The following MKLN1 variants were observed in gnomAD, a reference collection of about 807,000 sequenced individuals.
MKLN1 encodes muskelin 1.
MKLN1 carries 18 observed loss-of-function variants against 99.0 expected under a neutral mutation model. The ratio of observed to expected loss-of-function variants is 0.18; its 90% CI spans 0.13 to 0.27. MKLN1 has a LOEUF of 0.27. MKLN1 is among the 10% of genes least tolerant of loss of function. The probability of loss-of-function intolerance (pLI) is 1.00; values close to 1 mark genes in which losing one functional copy is unlikely to be tolerated. For missense variants in MKLN1, 621 were observed against 875.9 expected (o/e 0.71, Z 3.67); for synonymous variants, 288 against 293.2 (o/e 0.98, Z 0.18).
intron 17 of MKLN1, among the ~76,000 whole-genome samples, chr7:131,479,491 C>T (rs1218637102): frequency 2.0e-5 from 3 of 152,230 alleles, no homozygotes; most frequent in African/African-American, 7.2e-5. Context: ...GATCATGCCA[C>T]TGCACTCCAG....
chr7:131,374,374 A>T (rs1410249549), intron 1 of MKLN1, among the ~76,000 whole-genome samples: 2 of 152,126 alleles, frequency 1.3e-5, no homozygotes, highest in African/African-American at 4.8e-5. Flanking sequence ...TTGTGCACAC[A>T]CACCCCTATA....
In MKLN1 at chr7:131,354,199, T is replaced by C. The variant is rs113150073; in HGVS notation, c.99-21225T>C. The stretch of plus-strand genomic sequence containing the variant: ...GATTTTGATAGGAATTACATTAAAT[T>C]TGTAGGTCATTTTGGGAGAATTGCC... On this transcript the variant is annotated intron_variant, in intron 1 of 17. Transcript: ENST00000352689. 3.6e-3 allele frequency among the ~76,000 whole-genome samples: 547 copies of C among 152,230 alleles called. 2 individuals carry two copies. Among genetic ancestry groups the C allele is most frequent in the African/African-American group, 0.013 (520 of 41,544 alleles).
intron 1 of MKLN1, among the ~76,000 whole-genome samples, chr7:131,122,107 T>G (rs1314960938): frequency 6.6e-6 from 1 of 152,266 alleles, no homozygotes; most frequent in Non-Finnish European, 1.5e-5. Flanking sequence ...TTATTATTTA[T>G]TTTTGTTTCC....
At chr7:131,259,122 T>A (rs190487488) in intron 3 of MKLN1, among the ~76,000 whole-genome samples, 2,338 of 152,088 alleles carry the variant, frequency 0.015, 23 homozygotes, top group Admixed American at 0.023. Context: ...TTTAAAAAAA[T>A]ATATATATAT....
chr7:131,482,769 G>A (rs946562482), intron 17 of MKLN1, among the ~76,000 whole-genome samples: 4 of 152,318 alleles, frequency 2.6e-5, no homozygotes, highest in African/African-American at 9.6e-5. Context: ...CATACTACTA[G>A]TGATATGCTG....
chr7:131,480,495 G>A (rs1239640025), intron 17 of MKLN1, among the ~76,000 whole-genome samples: 3 of 152,160 alleles, frequency 2.0e-5, no homozygotes, highest in Non-Finnish European at 4.4e-5. Flanking sequence ...GAGGCTTCTC[G>A]ACTGATCAAG....
chr7:131,462,557 A>C (rs746298987), intron 12 of MKLN1, among the ~76,000 whole-genome samples: 1 of 152,166 alleles, frequency 6.6e-6, no homozygotes, highest in Non-Finnish European at 1.5e-5. Context: ...ATTATATTGC[A>C]TACCTCTTTC....
At chr7:131,153,252 C>T (rs1795915544) in intron 2 of MKLN1, among the ~76,000 whole-genome samples, 1 of 152,008 alleles carries the variant, frequency 6.6e-6, no homozygotes, top group Non-Finnish European at 1.5e-5. Context: ...TTTGTTTTCT[C>T]TATTGTAATT....
At chr7:131,418,712 C>G (rs745556486) in intron 8 of MKLN1, among the ~76,000 whole-genome samples, 1 of 152,152 alleles carries the variant, frequency 6.6e-6, no homozygotes, top group Non-Finnish European at 1.5e-5. Context: ...GAAGTTTTCT[C>G]TAGTAAAATT....
intron 3 of MKLN1, among the ~76,000 whole-genome samples, chr7:131,205,034 G>A (rs1796788418): frequency 6.6e-6 from 1 of 151,680 alleles, no homozygotes; most frequent in African/African-American, 2.4e-5. Flanking sequence ...GGAGGCAAAG[G>A]TTGCAGTGAG....
At chr7:131,360,218 G>C (rs1210916145) in intron 1 of MKLN1, among the ~76,000 whole-genome samples, 4 of 151,894 alleles carry the variant, frequency 2.6e-5, no homozygotes, top group African/African-American at 9.7e-5. Flanking sequence ...CAACATATTT[G>C]GACTTTGTTT....
At chr7:131,384,482 G>T (rs1018186787) in intron 2 of MKLN1, among the ~76,000 whole-genome samples, 10 of 152,104 alleles carry the variant, frequency 6.6e-5, no homozygotes, top group Admixed American at 1.3e-4. Flanking sequence ...CCAGATACTG[G>T]AAGAGGCAAA....
At chr7:131,224,874 C>G (rs1368656433) in intron 3 of MKLN1, among the ~76,000 whole-genome samples, 1 of 151,570 alleles carries the variant, frequency 6.6e-6, no homozygotes, top group Non-Finnish European at 1.5e-5. Context: ...GAAATCGAGA[C>G]CATCCTGGCT....
intron 3 of MKLN1, among the ~76,000 whole-genome samples, chr7:131,251,136 A>C (rs1167046120): frequency 7.3e-6 from 1 of 137,706 alleles, no homozygotes; most frequent in Non-Finnish European, 1.6e-5. Flanking sequence ...TACCATTTTG[A>C]CCATCTTAAA....
At chr7:131,459,982 T>G (rs1796467803) in intron 12 of MKLN1, among the ~76,000 whole-genome samples, 1 of 152,224 alleles carries the variant, frequency 6.6e-6, no homozygotes, top group South Asian at 2.1e-4. Context: ...TGGTGATTTG[T>G]CAGTTTTATC....
intron 3 of MKLN1, among the ~76,000 whole-genome samples, chr7:131,242,029 C>T (rs1797411424): frequency 6.6e-6 from 1 of 152,116 alleles, no homozygotes; most frequent in Non-Finnish European, 1.5e-5. Context: ...CTCAATAGCA[C>T]ATTGAGCATT....
chr7:131,194,181 G>T (rs1796609325), intron 2 of MKLN1, among the ~76,000 whole-genome samples: 1 of 151,778 alleles, frequency 6.6e-6, no homozygotes, highest in African/African-American at 2.4e-5. Flanking sequence ...CAATTCAGAG[G>T]CATTTAGTAT....
intron 8 of MKLN1, among the ~76,000 whole-genome samples, chr7:131,425,448 A>G (rs1475659055): frequency 6.6e-6 from 1 of 152,038 alleles, no homozygotes; most frequent in Non-Finnish European, 1.5e-5. Context: ...TTCTTATGAC[A>G]TTTAGTCTGC....
chr7:131,183,799 C>T (rs189905090), intron 2 of MKLN1, among the ~76,000 whole-genome samples: 2 of 152,238 alleles, frequency 1.3e-5, no homozygotes, highest in East Asian at 3.9e-4. Context: ...TCTTGCCCAG[C>T]TCTTTGGTGA....
Sources: gnomAD v4.1 joint callset for allele counts (sites outside exome capture counted in the v4.1 genomes callset) on GRCh38, gnomAD v4.1.1 for gene constraint, MANE v1.5 for transcripts, NCBI Gene and HGNC (gene_info 2026-07-23, HGNC 2026-07-21) for gene names.